The following NDUFA10 variants were observed in gnomAD, a reference collection of about 807,000 sequenced individuals.
NDUFA10 encodes NADH:ubiquinone oxidoreductase subunit A10.
In NDUFA10, 40 loss-of-function variants were observed where a neutral mutation model predicts 47.8. The observed-to-expected ratio is 0.84, with a 90% CI of 0.65 to 1.09. NDUFA10 has a LOEUF of 1.09. NDUFA10 is among the 50% of genes least tolerant of loss of function. NDUFA10 has a pLI of 0.00. For missense variants in NDUFA10, 413 were observed against 451.1 expected (o/e 0.92, Z 0.76); for synonymous variants, 183 against 172.2 (o/e 1.06, Z -0.49).
At position 240,001,286 on chromosome 2, in the gene NDUFA10, A is replaced by G. The variant is rs575413533; in HGVS notation, c.890+3924T>C. On this transcript the variant is annotated intron_variant, in intron 8 of 9. Transcript: ENST00000252711. Reference sequence around the variant, plus strand: ...AAAAGTAAAAGAAAAAAAGCTTAGTATTAAAGAACAAAAATATTAATGGAG... The same window carrying G: ...AAAAGTAAAAGAAAAAAAGCTTAGTGTTAAAGAACAAAAATATTAATGGAG... 2.6e-5 allele frequency among the ~76,000 whole-genome samples: 4 copies of G among 152,378 alleles called. No homozygotes were observed. In the South Asian group the frequency reaches 6.2e-4, roughly 24 times the overall value.
In NDUFA10 at chr2:240,018,646, A is replaced by C. The variant is rs769800779; in HGVS notation, c.461-7T>G. Reference sequence around the variant, plus strand: ...TCCAACACAACACCTTGTCCTGTTTAAACATAGGCAAACAGAAATTGAAAA... The same window carrying C: ...TCCAACACAACACCTTGTCCTGTTTCAACATAGGCAAACAGAAATTGAAAA... On this transcript the variant is annotated splice_polypyrimidine_tract_variant and splice_region_variant and intron_variant, in intron 3 of 9. Transcript: ENST00000252711. 6.2e-7 allele frequency: 1 copy of C among 1,614,026 alleles called. No individual in the cohort carries two copies. Among genetic ancestry groups the C allele is most frequent in the East Asian group, 2.2e-5 (1 of 44,882 alleles).
In NDUFA10 at chr2:239,928,918, C is replaced by T. The variant is rs1694109928; in HGVS notation, c.295-33604G>A. Among the ~76,000 whole-genome samples the T allele has an allele frequency of 6.6e-6, 1 of 152,158 alleles. No homozygotes were observed. The highest frequency in any genetic ancestry group is 2.4e-5 in the African/African-American group (1 of 41,432). On this transcript the variant is annotated intron_variant, in intron 4 of 5. Transcript: ENST00000419408. This position sits in a 1 kb window ranked among gnomAD's most constrained non-coding sequence, Gnocchi z 4.3. Reference sequence around the variant, plus strand: ...TCCGAAACGCTTTGTCTCCCATCGCCCCGCGGCCACCCGGATCCCACTCCC... The same window carrying T: ...TCCGAAACGCTTTGTCTCCCATCGCTCCGCGGCCACCCGGATCCCACTCCC...
intron 4 of NDUFA10, among the ~76,000 whole-genome samples, chr2:239,941,715 ACT>A (rs1190828033): frequency 2.0e-5 from 3 of 149,280 alleles, no homozygotes; most frequent in Non-Finnish European, 4.5e-5. Context: ...ACAGAGTAAG[ACT>A]CTGTCTCAAA....
chr2:239,930,457 C>T lies in NDUFA10; in HGVS notation c.295-35143G>A, dbSNP rs186299467. ...GATCCCGTCCTGATCGCCACTTCGC[C>T]GAGAGAAATGACCAGGTCACACCAA... On this transcript the variant is annotated intron_variant, in intron 4 of 5. Coordinates refer to the NDUFA10 transcript ENST00000419408. Among the ~76,000 whole-genome samples the T allele has an allele frequency of 3.0e-3, 457 of 151,782 alleles. 6 individuals are homozygous for T. Among genetic ancestry groups the T allele is most frequent in the African/African-American group, 0.01 (434 of 41,356 alleles).
At chr2:240,009,361 A>G (rs1263182888) in intron 6 of NDUFA10, among the ~76,000 whole-genome samples, 1 of 152,228 alleles carries the variant, frequency 6.6e-6, no homozygotes, top group Non-Finnish European at 1.5e-5. Flanking sequence ...GTAAATAAGT[A>G]TATGTTGAAC....
At chr2:239,974,762 C>CCGCCACCAAAGA (rs1695448229) in intron 9 of NDUFA10, among the ~76,000 whole-genome samples, 1 of 152,062 alleles carries the variant, frequency 6.6e-6, no homozygotes, top group Admixed American at 6.5e-5. Flanking sequence ...ATGTGACACT[C>CCGCCACCAAAGA]TGCCACCAAA....
In NDUFA10 at chr2:239,959,853, G is replaced by A. The variant is rs1482867849; in HGVS notation, c.*1265C>T. On this transcript the variant is annotated 3_prime_UTR_variant, in exon 10 of 10. Transcript: ENST00000252711. ...GGAAAGAAGGAGGGAAGGAAGGGGA[G>A]AGGGAAAAAGGCAGGCGGACGCAAG... 1 of 965,908 alleles carries A rather than the reference G, an allele frequency of 1.0e-6. No individual in the cohort carries two copies. The highest frequency in any genetic ancestry group is 1.2e-6 in the Non-Finnish European group (1 of 812,342). The allele number at this position is 965,908 out of a possible 1,614,324, so 59.8% of individuals were successfully genotyped here.
downstream of NDUFA10, among the ~76,000 whole-genome samples, chr2:239,953,259 A>T (rs1435305083): frequency 2.6e-5 from 4 of 152,164 alleles, no homozygotes; most frequent in Non-Finnish European, 5.9e-5. Context: ...TCACAAGACC[A>T]TATACGCAGG....
At chr2:239,988,296 G>A (rs923770811) in intron 9 of NDUFA10, among the ~76,000 whole-genome samples, 1 of 152,106 alleles carries the variant, frequency 6.6e-6, no homozygotes, top group Non-Finnish European at 1.5e-5. Flanking sequence ...AAGGTAAAGA[G>A]GAAAACATCA....
intron 9 of NDUFA10, chr2:239,982,366 G>A: frequency 8.4e-7 from 1 of 1,187,600 alleles, no homozygotes; most frequent in Non-Finnish European, 1.2e-6. Flanking sequence ...TGTATTTACT[G>A]TTTCTTCTAA....
At chr2:239,939,185 CCTCA>C (rs2106377719) in intron 4 of NDUFA10, among the ~76,000 whole-genome samples, 1 of 152,298 alleles carries the variant, frequency 6.6e-6, no homozygotes, top group East Asian at 1.9e-4. Context: ...CTGTCATGAT[CCTCA>C]CTGAGTGGAA....
intron 9 of NDUFA10, 29 bp from the exon 10 acceptor site, chr2:239,961,215 C>G (rs757212019): frequency 1.1e-5 from 17 of 1,614,064 alleles, no homozygotes; most frequent in Non-Finnish European, 1.4e-5. Context: ...TTGGTGCATT[C>G]TGTTTAACGT....
At chr2:239,973,643 T>C (rs1235522946) in intron 9 of NDUFA10, 1 of 470,042 alleles carries the variant, frequency 2.1e-6, no homozygotes. Flanking sequence ...TCTGGCTTCC[T>C]TCCATTGAAG....
intron 4 of NDUFA10, among the ~76,000 whole-genome samples, chr2:239,917,115 C>T (rs1693893068): frequency 6.6e-6 from 1 of 152,044 alleles, no homozygotes; most frequent in South Asian, 2.1e-4. Context: ...CAGGTTAGGC[C>T]AGGGAGGGGC....
At chr2:239,911,461 G>A (rs898555257) in intron 4 of NDUFA10, among the ~76,000 whole-genome samples, 1 of 152,118 alleles carries the variant, frequency 6.6e-6, no homozygotes, top group Non-Finnish European at 1.5e-5. Context: ...ACCAAGAAAG[G>A]AGAAGTTGCC....
At chr2:239,973,279 T>C (rs1695374279) in intron 9 of NDUFA10, among the ~76,000 whole-genome samples, 1 of 152,192 alleles carries the variant, frequency 6.6e-6, no homozygotes, top group Admixed American at 6.5e-5. Context: ...AAGTAAGGTC[T>C]GAATGTCATG....
intron 4 of NDUFA10, among the ~76,000 whole-genome samples, chr2:239,919,199 A>T (rs13417707): frequency 1.3e-5 from 2 of 152,064 alleles, no homozygotes; most frequent in African/African-American, 4.8e-5. Flanking sequence ...GTGGCACAGA[A>T]GGCATGCAGC....
At chr2:239,999,942 A>G (rs775951646) in intron 8 of NDUFA10, among the ~76,000 whole-genome samples, 2 of 152,202 alleles carry the variant, frequency 1.3e-5, no homozygotes, top group Non-Finnish European at 2.9e-5. Flanking sequence ...ACAAGATTCT[A>G]GTGGAGCTGA....
chr2:239,900,486 C>T (rs1037778054), intron 4 of NDUFA10, among the ~76,000 whole-genome samples: 1 of 151,854 alleles, frequency 6.6e-6, no homozygotes, highest in Admixed American at 6.6e-5. Context: ...TTGTCTCTGC[C>T]AAATGCAGGT....
Sources: gnomAD v4.1 joint callset for allele counts (sites outside exome capture counted in the v4.1 genomes callset) on GRCh38, gnomAD v4.1.1 for gene constraint, Gnocchi (gnomAD v3.1) non-coding constraint, MANE v1.5 for transcripts, NCBI Gene and HGNC (gene_info 2026-07-23, HGNC 2026-07-21) for gene names.